Variants in FAM81B observed in about 807,000 individuals in gnomAD.
FAM81B encodes family with sequence similarity 81 member B.
Under a neutral mutation model 58.7 loss-of-function variants are expected in FAM81B, and 60 were observed. That is an observed-to-expected ratio of 1.02 (90% CI 0.83 to 1.27). FAM81B has a LOEUF of 1.27. Ranked by LOEUF, FAM81B falls within the 50% of genes most tolerant of loss-of-function variation. The pLI is 0.00. For missense variants in FAM81B, 491 were observed against 522.0 expected (o/e 0.94, Z 0.58); for synonymous variants, 189 against 179.6 (o/e 1.05, Z -0.42).
chr5:95,422,578 G>T (rs1315089039), intron 5 of FAM81B, among the ~76,000 whole-genome samples: 1 of 151,950 alleles, frequency 6.6e-6, no homozygotes, highest in African/African-American at 2.4e-5. Context: ...TGCCTCCCAG[G>T]TTCAAACAAT....
intron 6 of FAM81B, among the ~76,000 whole-genome samples, chr5:95,433,540 T>C (rs1239894496): frequency 1.3e-5 from 2 of 152,170 alleles, no homozygotes; most frequent in Non-Finnish European, 2.9e-5. Context: ...TAAGGACTTT[T>C]TGTTTTGTTA....
chr5:95,441,872 G>C (rs1021473418), intron 7 of FAM81B, among the ~76,000 whole-genome samples: 1 of 152,172 alleles, frequency 6.6e-6, no homozygotes, highest in Non-Finnish European at 1.5e-5. Flanking sequence ...TACACAGCAA[G>C]AGTCTTGGCC....
intron 7 of FAM81B, among the ~76,000 whole-genome samples, chr5:95,437,899 T>G (rs1745168686): frequency 6.6e-6 from 1 of 152,150 alleles, no homozygotes; most frequent in Non-Finnish European, 1.5e-5. Context: ...CTCACAACAT[T>G]TGGGTTTAAT....
chr5:95,448,418 G>T lies in FAM81B; in HGVS notation c.1179G>T (p.Lys393Asn). 1.2e-6 allele frequency: 2 copies of T among 1,612,028 alleles called. No individual in the cohort carries two copies. The highest frequency in any genetic ancestry group is 8.5e-7 in the Non-Finnish European group (1 of 1,179,468). Residue 393 changes from lysine (K) to asparagine (N), a missense_variant, in exon 9 of 10, where the codon AAG (lysine) becomes AAT (asparagine). Coordinates refer to ENST00000283357, the MANE Select transcript of FAM81B (RefSeq NM_152548.3). ...KLSKKMEQME[K>N]QIWGELETMQ... ...CCAAAAAGATGGAACAAATGGAAAA[G>T]CAGATCTGGGGTGAATTAGAGACAA...
At chr5:95,440,470 A>G in intron 7 of FAM81B, 1 of 630,802 alleles carries the variant, frequency 1.6e-6, no homozygotes, top group South Asian at 1.4e-5. Flanking sequence ...TGCAGTTGCT[A>G]AGGCAAATCA....
chr5:95,438,473 C>T (rs576901719), intron 7 of FAM81B, among the ~76,000 whole-genome samples: 1 of 152,128 alleles, frequency 6.6e-6, no homozygotes, highest in Non-Finnish European at 1.5e-5. Context: ...GTTTGAGATC[C>T]AGGGCTAACT....
intron 7 of FAM81B, among the ~76,000 whole-genome samples, chr5:95,444,738 A>G (rs1053022624): frequency 1.3e-5 from 2 of 152,206 alleles, no homozygotes; most frequent in Non-Finnish European, 2.9e-5. Context: ...AATTCAGAGG[A>G]CAAAGATCAG....
At chr5:95,406,329 T>C (rs889970750) in intron 3 of FAM81B, 1 of 154,306 alleles carries the variant, frequency 6.5e-6, no homozygotes, top group African/African-American at 2.4e-5. Flanking sequence ...CCAACTAACT[T>C]CAATTAGTTA....
At chr5:95,424,133 A>T in intron 5 of FAM81B, 1 of 1,289,844 alleles carries the variant, frequency 7.8e-7, no homozygotes, top group Non-Finnish European at 1.0e-6. Flanking sequence ...TGATACTGCA[A>T]GCCTGAATAG....
chr5:95,393,829 A>T lies in FAM81B; in HGVS notation c.228+932A>T, dbSNP rs566905293. Among the ~76,000 whole-genome samples the T allele has an allele frequency of 5.7e-4, 87 of 152,334 alleles. 1 individual carries two copies. The highest frequency in any genetic ancestry group is 1.9e-3 in the African/African-American group (79 of 41,578). On this transcript the variant is annotated intron_variant, in intron 2 of 9. Coordinates refer to ENST00000283357, the MANE Select transcript of FAM81B (RefSeq NM_152548.3). ...TCATAGCCCATAAAACCAAAAAGCT[A>T]TAACATTCAAAGCATTATTATGAAA... is the stretch of plus-strand genomic sequence containing the variant.
At chr5:95,397,763 A>G (rs949575120) in intron 3 of FAM81B, among the ~76,000 whole-genome samples, 1 of 152,218 alleles carries the variant, frequency 6.6e-6, no homozygotes, top group Non-Finnish European at 1.5e-5. Context: ...TTCTCTTACT[A>G]TCTAAACCAT....
At chr5:95,432,187 T>C (rs1744927855) in intron 6 of FAM81B, among the ~76,000 whole-genome samples, 2 of 152,118 alleles carry the variant, frequency 1.3e-5, no homozygotes, top group Non-Finnish European at 2.9e-5. Flanking sequence ...TTCTCTGTTA[T>C]ACTAGTGTAA....
chr5:95,428,872 CAT>C (rs1411543297), intron 6 of FAM81B, 140 bp downstream of exon 6: 4 of 1,106,486 alleles, frequency 3.6e-6, no homozygotes, highest in Non-Finnish European at 5.2e-6. Flanking sequence ...ACAGCTCACT[CAT>C]ATACGCCATG....
rs1761813484 is a variant in FAM81B at position 95,391,452 on chromosome 5, G to C, written c.63G>C (p.Leu21Phe). The C allele has an allele frequency of 6.2e-7, 1 of 1,613,490 alleles. No individual in the cohort carries two copies. The highest frequency in any genetic ancestry group is 8.5e-7 in the Non-Finnish European group (1 of 1,179,694). Reference sequence around the variant, plus strand: ...AAAAAAGAAAAAAATCACAGAGATTGTTTTTCAAAAATATCAAATCTACAA... The same window carrying C: ...AAAAAAGAAAAAAATCACAGAGATTCTTTTTCAAAAATATCAAATCTACAA... ...SSEKRKKSQR[L>F]FFKNIKSTKN... Residue 21 changes from leucine (L) to phenylalanine (F), a missense_variant, in exon 1 of 10, where the codon TTG (leucine) becomes TTC (phenylalanine). Coordinates refer to ENST00000283357, the MANE Select transcript of FAM81B (RefSeq NM_152548.3).
intron 5 of FAM81B, among the ~76,000 whole-genome samples, chr5:95,421,855 A>G (rs910640965): frequency 6.6e-6 from 1 of 152,230 alleles, no homozygotes; most frequent in South Asian, 2.1e-4. Flanking sequence ...TGAATTAAGC[A>G]GGGGGAGGTC....
At chr5:95,404,238 T>C (rs1181731442) in intron 3 of FAM81B, among the ~76,000 whole-genome samples, 1 of 152,156 alleles carries the variant, frequency 6.6e-6, no homozygotes, top group Admixed American at 6.6e-5. Flanking sequence ...CTCTGACTCA[T>C]ACATCCAATC....
At chr5:95,397,969 G>T (rs2152760432) in intron 3 of FAM81B, among the ~76,000 whole-genome samples, 1 of 152,320 alleles carries the variant, frequency 6.6e-6, no homozygotes, top group African/African-American at 2.4e-5. Flanking sequence ...TTAATGGAAA[G>T]TAATGGTAGA....
intron 3 of FAM81B, 53 bp downstream of exon 3, chr5:95,396,228 A>C: frequency 7.2e-7 from 1 of 1,390,558 alleles, no homozygotes; most frequent in Non-Finnish European, 9.9e-7. Context: ...TTATTGTGAC[A>C]AATCTCACAC....
intron 6 of FAM81B, among the ~76,000 whole-genome samples, chr5:95,430,201 ATAAG>A (rs1744814929): frequency 6.6e-6 from 1 of 152,224 alleles, no homozygotes; most frequent in African/African-American, 2.4e-5. Context: ...ACAAAACTAC[ATAAG>A]AAAATATAGC....
Sources: gnomAD v4.1 joint callset for allele counts (sites outside exome capture counted in the v4.1 genomes callset) on GRCh38, gnomAD v4.1.1 for gene constraint, MANE v1.5 for transcripts, NCBI Gene and HGNC (gene_info 2026-07-23, HGNC 2026-07-21) for gene names.